The following FBXW11 variants were observed in gnomAD, a reference collection of about 807,000 sequenced individuals.
The protein encoded by FBXW11 is F-box/WD repeat-containing protein 11.
In FBXW11, 19 loss-of-function variants were observed where a neutral mutation model predicts 77.6. That is an observed-to-expected ratio of 0.24 (90% CI 0.17 to 0.36). FBXW11 has a LOEUF of 0.36. FBXW11 is among the 10% of genes least tolerant of loss of function. FBXW11 has a pLI of 1.00. For missense variants in FBXW11, 334 were observed against 704.2 expected (o/e 0.47, Z 5.95); for synonymous variants, 235 against 249.4 (o/e 0.94, Z 0.54).
chr5:171,878,819 T>G (rs1267620704), intron 7 of FBXW11, among the ~76,000 whole-genome samples: 1 of 151,914 alleles, frequency 6.6e-6, no homozygotes, highest in Admixed American at 6.6e-5. Flanking sequence ...CATAAAAATA[T>G]TAATGAAAAA....
chr5:172,005,651 C>CA (rs1554112182), intron 1 of FBXW11, among the ~76,000 whole-genome samples: 1 of 149,276 alleles, frequency 6.7e-6, no homozygotes, highest in Non-Finnish European at 1.5e-5. Flanking sequence ...GGATTCCCCT[C>CA]TTTTTTTTTT....
chr5:171,915,777 G>A (rs1253150751), intron 2 of FBXW11, among the ~76,000 whole-genome samples: 1 of 152,136 alleles, frequency 6.6e-6, no homozygotes, highest in East Asian at 1.9e-4. Flanking sequence ...TTCACTCTCC[G>A]ATTTGAAGAT....
Position 171,872,937 on chromosome 5 carries a change from C to G in FBXW11, c.1275G>C (p.Arg425=). The change falls in exon 10 of 14, where the codon CGG becomes CGC. Residue 425 remains arginine (R), a synonymous_variant. Transcript: ENST00000517395. ...CCCTGTACTGGAGACAGGCAATGCC[C>G]CGCTTGTGCCCATTGAGAGTACGAA... The part of the protein sequence containing the change: ...EFVRTLNGHK[R]GIACLQYRDR... 2 of 1,614,106 alleles carry G rather than the reference C, an allele frequency of 1.2e-6. No homozygotes were observed. The highest frequency in any genetic ancestry group is 1.7e-6 in the Non-Finnish European group (2 of 1,179,998).
chr5:171,936,668 A>G (rs1302777154), intron 2 of FBXW11, among the ~76,000 whole-genome samples: 1 of 152,116 alleles, frequency 6.6e-6, no homozygotes, highest in Non-Finnish European at 1.5e-5. Context: ...ATATAAATAC[A>G]CTATACACAC....
chr5:171,997,762 T>C (rs1431737720), intron 1 of FBXW11, among the ~76,000 whole-genome samples: 4 of 152,172 alleles, frequency 2.6e-5, no homozygotes, highest in Admixed American at 2.6e-4. Context: ...TTTTCTACCA[T>C]ATCAAATTAG....
At chr5:171,891,648 T>C (rs1759354668) in intron 6 of FBXW11, 44 bp from the exon 7 acceptor site, 1 of 1,593,996 alleles carries the variant, frequency 6.3e-7, no homozygotes. Context: ...ATGAATCAAC[T>C]TACTCTATTA....
At chr5:171,908,850 A>G (rs925279718) in intron 4 of FBXW11, 5 of 152,174 alleles carry the variant, frequency 3.3e-5, no homozygotes, top group African/African-American at 1.2e-4. Context: ...AAGTACTTAG[A>G]ACACGGAGTC....
At chr5:171,953,931 CAAG>C (rs1467472306) in intron 2 of FBXW11, among the ~76,000 whole-genome samples, 1 of 152,132 alleles carries the variant, frequency 6.6e-6, no homozygotes, top group Non-Finnish European at 1.5e-5. Flanking sequence ...AAAAAAGAAA[CAAG>C]AAAGGCAGCT....
At chr5:171,952,729 C>T (rs538543888) in intron 2 of FBXW11, among the ~76,000 whole-genome samples, 16 of 151,490 alleles carry the variant, frequency 1.1e-4, no homozygotes, top group Non-Finnish European at 2.1e-4. Context: ...GGATTACTGG[C>T]GTGAGCCACC....
At chr5:171,947,104 G>A (rs1763052475) in intron 2 of FBXW11, among the ~76,000 whole-genome samples, 1 of 152,042 alleles carries the variant, frequency 6.6e-6, no homozygotes, top group African/African-American at 2.4e-5. Flanking sequence ...GTGAGCCACT[G>A]CACCTGGCCG....
chr5:171,867,491 T>TAA (rs10671329), intron 13 of FBXW11, among the ~76,000 whole-genome samples: 1,871 of 137,956 alleles, frequency 0.014, 53 homozygotes, highest in African/African-American at 0.045. Flanking sequence ...AGAGACTAAT[T>TAA]AAAAAAAAAA....
At chr5:172,006,059 C>A (rs1766741177) in intron 1 of FBXW11, among the ~76,000 whole-genome samples, 1 of 152,092 alleles carries the variant, frequency 6.6e-6, no homozygotes, top group Non-Finnish European at 1.5e-5. Flanking sequence ...TCTCACTCGG[C>A]CTGAGTGGGG....
intron 4 of FBXW11, among the ~76,000 whole-genome samples, chr5:171,907,848 T>C (rs1760629028): frequency 6.6e-6 from 1 of 152,250 alleles, no homozygotes; most frequent in Non-Finnish European, 1.5e-5. Flanking sequence ...CAAGGCTGTA[T>C]ACTCCCTAAG....
chr5:171,912,500 A>T (rs1054595640), intron 3 of FBXW11, among the ~76,000 whole-genome samples: 2 of 152,220 alleles, frequency 1.3e-5, no homozygotes, highest in Non-Finnish European at 2.9e-5. Flanking sequence ...TGTCCACCAC[A>T]ATATAACAAG....
Position 171,869,892 on chromosome 5 carries a change from C to T in FBXW11, c.1452-85G>A, listed in dbSNP as rs1423496617. On this transcript the variant is annotated intron_variant, in intron 11 of 13. Transcript: ENST00000517395. This position sits in a 1 kb window ranked among gnomAD's most constrained non-coding sequence, Gnocchi z 4.1. ...ATTTCCTTGAAAAAAAGTAGTGCAT[C>T]TGAACTGCCTATTTATAAAAGCTAA... 1.4e-6 allele frequency: 1 copy of T among 739,000 alleles called. No homozygotes were observed. The highest frequency in any genetic ancestry group is 2.8e-5 in the Admixed American group (1 of 35,898). The allele number at this position is 739,000 out of a possible 1,614,324, so 45.8% of individuals were successfully genotyped here. A position where few individuals can be genotyped will look rare whatever the true frequency, so the allele number is the denominator to read the frequency against.
At chr5:171,995,177 T>C (rs1561759263) in intron 1 of FBXW11, among the ~76,000 whole-genome samples, 1 of 152,186 alleles carries the variant, frequency 6.6e-6, no homozygotes, top group Non-Finnish European at 1.5e-5. Context: ...GACAATGCCT[T>C]ACTTGTAAGG....
chr5:171,906,809 C>T (rs1212724797), intron 4 of FBXW11, among the ~76,000 whole-genome samples: 2 of 152,168 alleles, frequency 1.3e-5, no homozygotes, highest in East Asian at 1.9e-4. Context: ...CTGCTCTGGC[C>T]GTGTACCCAT....
rs541111896 is a variant in FBXW11, at chr5:171,974,252, T to C, written c.46-16554A>G. ...GAGTTTGAGACCAGCCTGACCAACA[T>C]GGAGAAACCCCATCTCTACTAAAAA... On this transcript the variant is annotated intron_variant, in intron 1 of 13. Coordinates refer to ENST00000517395, the MANE Select transcript of FBXW11 (RefSeq NM_001378974.1). Among the ~76,000 whole-genome samples, 18 of 152,132 alleles carry C rather than the reference T, an allele frequency of 1.2e-4. No individual in the cohort carries two copies. The East Asian group carries it at 3.3e-3, about 28-fold the overall frequency.
intron 1 of FBXW11, among the ~76,000 whole-genome samples, chr5:171,979,669 T>A (rs898692879): frequency 2.8e-4 from 43 of 152,076 alleles, no homozygotes; most frequent in African/African-American, 1.0e-3. Context: ...AAAAAACAAT[T>A]ATTTTGAGAT....
Sources: gnomAD v4.1 joint callset for allele counts (sites outside exome capture counted in the v4.1 genomes callset) on GRCh38, gnomAD v4.1.1 for gene constraint, Gnocchi (gnomAD v3.1) non-coding constraint, MANE v1.5 for transcripts, NCBI Gene and HGNC (gene_info 2026-07-23, HGNC 2026-07-21) for gene names.